Variants in FER observed in about 807,000 individuals in gnomAD.
FER encodes FER tyrosine kinase.
A neutral mutation model predicts 111.0 loss-of-function variants in FER; 63 were observed. The observed-to-expected ratio is 0.57, with a 90% CI of 0.46 to 0.70. The LOEUF is 0.70. FER is among the 30% of genes least tolerant of loss of function. The probability of loss-of-function intolerance (pLI) is 0.00; values close to 1 mark genes in which losing one functional copy is unlikely to be tolerated. For synonymous variants in FER, 327 were observed against 313.9 expected (o/e 1.04, Z -0.44); for missense variants, 914 against 954.0 (o/e 0.96, Z 0.55).
At chr5:109,092,641 T>G (rs1746964234) in intron 16 of FER, among the ~76,000 whole-genome samples, 1 of 152,042 alleles carries the variant, frequency 6.6e-6, no homozygotes, top group South Asian at 2.1e-4. Context: ...GAAAACAGAA[T>G]CCTGTGCATT....
intron 10 of FER, among the ~76,000 whole-genome samples, chr5:108,903,847 C>T (rs906091157): frequency 3.9e-5 from 6 of 152,176 alleles, no homozygotes; most frequent in African/African-American, 1.4e-4. Flanking sequence ...AGTACATGCA[C>T]ATTTACATGG....
intron 13 of FER, among the ~76,000 whole-genome samples, chr5:108,994,481 G>A (rs6861439): frequency 0.42 from 63,745 of 151,980 alleles, 14,008 homozygotes; most frequent in African/African-American, 0.53. Context: ...GTCTGTTTCT[G>A]TACCAGTACC....
At chr5:108,901,680 A>G (rs1165075849) in intron 10 of FER, among the ~76,000 whole-genome samples, 1 of 152,176 alleles carries the variant, frequency 6.6e-6, no homozygotes, top group African/African-American at 2.4e-5. Context: ...GACTGGATGT[A>G]GTGGCTCACA....
intron 13 of FER, among the ~76,000 whole-genome samples, chr5:108,996,969 G>A (rs184649520): frequency 5.1e-4 from 77 of 151,842 alleles, no homozygotes; most frequent in East Asian, 3.9e-3. Flanking sequence ...CCTTAAAGAC[G>A]TCCTTCACAT....
chr5:109,124,080 A>G (rs1016283119), intron 17 of FER, among the ~76,000 whole-genome samples: 3 of 152,094 alleles, frequency 2.0e-5, no homozygotes, highest in African/African-American at 7.2e-5. Flanking sequence ...CAAAAAAAAA[A>G]TAGCAGGGCA....
chr5:108,903,472 C>T (rs926022465), intron 10 of FER, among the ~76,000 whole-genome samples: 4 of 152,142 alleles, frequency 2.6e-5, no homozygotes, highest in Non-Finnish European at 5.9e-5. Flanking sequence ...CGAGACCAGC[C>T]TGACCAACAT....
intron 17 of FER, among the ~76,000 whole-genome samples, chr5:109,159,075 T>C (rs1443317606): frequency 6.6e-6 from 1 of 152,156 alleles, no homozygotes; most frequent in African/African-American, 2.4e-5. Context: ...TGAGCAAACT[T>C]TAGGCATATT....
intron 16 of FER, among the ~76,000 whole-genome samples, chr5:109,083,068 T>A (rs77392580): frequency 0.01 from 1,597 of 152,146 alleles, 23 homozygotes; most frequent in African/African-American, 0.037. Flanking sequence ...AAGATTTCCT[T>A]TAGTGTTCTT....
chr5:109,121,902 G>A (rs751788904), intron 17 of FER, among the ~76,000 whole-genome samples: 3 of 151,976 alleles, frequency 2.0e-5, no homozygotes, highest in East Asian at 3.9e-4. Flanking sequence ...CATAGTAGCC[G>A]CTAATGATCC....
rs1759169911 is a variant in FER, at chr5:109,188,946, G to A, written c.*1371G>A. On this transcript the variant is annotated 3_prime_UTR_variant, in exon 20 of 20. Coordinates refer to ENST00000281092, the MANE Select transcript of FER (RefSeq NM_005246.4). ...ACACACACCACCAAGGTGCAAGACA[G>A]ATGTGAATGAAGTAGACAGTCTAGA... is the stretch of plus-strand genomic sequence containing the variant. 6.6e-6 allele frequency: 1 copy of A among 152,192 alleles called. No individual in the cohort carries two copies. The highest frequency in any genetic ancestry group is 2.4e-5 in the African/African-American group (1 of 41,436). The allele number at this position is 152,192 out of a possible 1,614,324, so 9.4% of individuals were successfully genotyped here. A position where few individuals can be genotyped will look rare whatever the true frequency, so the allele number is the denominator to read the frequency against.
At chr5:109,055,529 G>A (rs1773504004) in intron 16 of FER, among the ~76,000 whole-genome samples, 1 of 152,086 alleles carries the variant, frequency 6.6e-6, no homozygotes, top group Non-Finnish European at 1.5e-5. Context: ...GCTCATTCCT[G>A]TAATCCCAGC....
chr5:108,941,580 G>T (rs1285394404), intron 10 of FER, among the ~76,000 whole-genome samples: 1 of 152,052 alleles, frequency 6.6e-6, no homozygotes, highest in Non-Finnish European at 1.5e-5. Context: ...CTGTTGTATC[G>T]TTATGTCCCT....
chr5:108,889,208 G>GTATATAC (rs1315650479), intron 9 of FER, among the ~76,000 whole-genome samples: 2 of 151,788 alleles, frequency 1.3e-5, no homozygotes, highest in Non-Finnish European at 2.9e-5. Flanking sequence ...TCACTGCTAG[G>GTATATAC]TATATACTCA....
At chr5:109,074,052 T>G (rs1487704625) in intron 16 of FER, among the ~76,000 whole-genome samples, 1 of 152,090 alleles carries the variant, frequency 6.6e-6, no homozygotes, top group Non-Finnish European at 1.5e-5. Flanking sequence ...TTGGCTAAAA[T>G]GCAAAGAAAA....
chr5:108,949,667 T>C (rs571344335), intron 11 of FER, among the ~76,000 whole-genome samples: 16 of 152,256 alleles, frequency 1.1e-4, no homozygotes, highest in Non-Finnish European at 1.9e-4. Flanking sequence ...CCCAACTTGA[T>C]GATAAATGTT....
At chr5:109,090,476 G>A in intron 16 of FER, among the ~76,000 whole-genome samples, 1 of 152,048 alleles carries the variant, frequency 6.6e-6, no homozygotes. Context: ...AATCAAAGGA[G>A]CAAAATAAAT....
rs140678038 is a variant in FER, at chr5:108,941,933, A to G, written c.1237-4197A>G. 2.8e-3 allele frequency among the ~76,000 whole-genome samples: 429 copies of G among 152,270 alleles called. 2 individuals are homozygous for G. The highest frequency in any genetic ancestry group is 9.7e-3 in the African/African-American group (403 of 41,562). ...GAAAACTATGGACTCTTGAGTGATA[A>G]TGATCTGTCAATGAAGGTTCTCAAC... On this transcript the variant is annotated intron_variant, in intron 10 of 19. Coordinates refer to ENST00000281092, the MANE Select transcript of FER (RefSeq NM_005246.4).
intron 13 of FER, among the ~76,000 whole-genome samples, chr5:109,010,027 A>T (rs1307098839): frequency 2.0e-5 from 3 of 152,218 alleles, no homozygotes; most frequent in Non-Finnish European, 2.9e-5. Flanking sequence ...TGAGAAAGAG[A>T]CACTACCTCT....
At chr5:108,766,550 A>G (rs1294225966) in intron 1 of FER, among the ~76,000 whole-genome samples, 1 of 152,236 alleles carries the variant, frequency 6.6e-6, no homozygotes, top group Admixed American at 6.5e-5. Context: ...GCTTTGCTAT[A>G]TCTAGAAGGG....
Sources: allele counts gnomAD v4.1 joint callset (sites outside exome capture counted in the v4.1 genomes callset), GRCh38; gene constraint gnomAD v4.1.1; transcripts MANE v1.5; gene names NCBI Gene and HGNC (gene_info 2026-07-23, HGNC 2026-07-21).